ARAP3: variants seen among roughly 807,000 people sequenced by gnomAD.
ARAP3 encodes arf-GAP with Rho-GAP domain, ANK repeat and PH domain-containing protein 3.
A neutral mutation model predicts 169.2 loss-of-function variants in ARAP3; 82 were observed. The ratio of observed to expected loss-of-function variants is 0.48; its 90% CI spans 0.41 to 0.58. ARAP3 has a LOEUF of 0.58. Among genes scored for constraint, ARAP3 ranks in the 20% least tolerant of loss-of-function variants. ARAP3 has a pLI of 0.00. For synonymous variants in ARAP3, 791 were observed against 800.3 expected (o/e 0.99, Z 0.20); for missense variants, 1,764 against 2,018.0 (o/e 0.87, Z 2.41).
chr5:141,658,335 G>T (rs770333997), intron 25 of ARAP3, 30 bp downstream of exon 25: 6 of 1,606,146 alleles, frequency 3.7e-6, no homozygotes, highest in Non-Finnish European at 3.4e-6. Context: ...ATATACACAT[G>T]CATGAACACA....
intron 4 of ARAP3, 39 bp downstream of exon 4, chr5:141,679,506 C>T (rs776120179): frequency 6.3e-7 from 1 of 1,595,428 alleles, no homozygotes; most frequent in Non-Finnish European, 8.6e-7. Context: ...ACCGACTCAC[C>T]TGCTCCTCCC....
intron 4 of ARAP3, among the ~76,000 whole-genome samples, chr5:141,677,792 GT>G (rs1171836820): frequency 1.3e-5 from 2 of 150,624 alleles, no homozygotes; most frequent in African/African-American, 4.9e-5. Flanking sequence ...TTTTGTTTTT[GT>G]TTTTGTTTTG....
At chr5:141,660,749 T>A (rs1345608200) in intron 21 of ARAP3, among the ~76,000 whole-genome samples, 1 of 151,992 alleles carries the variant, frequency 6.6e-6, no homozygotes, top group Non-Finnish European at 1.5e-5. Context: ...TCCCAACATG[T>A]TGGGATTACA....
chr5:141,672,559 A>G lies in ARAP3; in HGVS notation c.1378T>C (p.Cys460Arg), dbSNP rs1438145193. ...RSFDLLTPHR[C>R]FSFTAESGGA... is the part of the protein sequence containing the mutation. Reference sequence around the variant, plus strand: ...CACTGGCCCAGGCCCCACCTGAAGCAGCGATGGGGTGTGAGCAGGTCAAAG... The same window carrying G: ...CACTGGCCCAGGCCCCACCTGAAGCGGCGATGGGGTGTGAGCAGGTCAAAG... The change falls in exon 9 of 33, where the codon TGC (cysteine) becomes CGC (arginine). Residue 460 changes from cysteine to arginine, a missense_variant. Cys to Arg is a radical substitution (Grantham distance 180). Coordinates refer to ENST00000239440, the MANE Select transcript of ARAP3 (RefSeq NM_022481.6). This position sits in a 1 kb window ranked among gnomAD's most constrained non-coding sequence, Gnocchi z 4.9. 1 of 1,613,970 alleles carries G rather than the reference A, an allele frequency of 6.2e-7. No homozygotes were observed. The highest frequency in any genetic ancestry group is 1.3e-5 in the African/African-American group (1 of 74,948).
chr5:141,677,103 C>T (rs571340337), intron 4 of ARAP3, among the ~76,000 whole-genome samples: 7 of 151,906 alleles, frequency 4.6e-5, no homozygotes, highest in Non-Finnish European at 1.0e-4. Context: ...TCAGTAGCCA[C>T]GTTTAAAAAA....
At position 141,656,794 on chromosome 5, in the gene ARAP3, G is replaced by A; in HGVS notation, c.3579C>T (p.Cys1193=). The part of the protein sequence containing the change: ...EKVLEQALQW[C]QLPEPCSASL... ...AAGCTGAGCAGGGCTCTGGGAGCTG[G>A]CACCATTGTAAAGCCTGCTCTAAGA... Residue 1193 remains cysteine (C), a synonymous_variant, in exon 26 of 33, where the codon TGC becomes TGT. Transcript: ENST00000239440. 1 of 1,612,790 alleles carries A rather than the reference G, an allele frequency of 6.2e-7. No individual in the cohort carries two copies. Among genetic ancestry groups the A allele is most frequent in the Non-Finnish European group, 8.5e-7 (1 of 1,179,466 alleles).
intron 20 of ARAP3, 33 bp downstream of exon 20, chr5:141,662,010 T>G: frequency 1.2e-6 from 2 of 1,611,366 alleles, no homozygotes; most frequent in Non-Finnish European, 8.5e-7. Context: ...GAGATCCTGG[T>G]TGGGCCTTGG....
At chr5:141,654,741 CTT>C (rs1351285657) in intron 32 of ARAP3, among the ~76,000 whole-genome samples, 26 of 141,122 alleles carry the variant, frequency 1.8e-4, no homozygotes, top group Middle Eastern at 3.7e-3. Flanking sequence ...CAACTTTTTC[CTT>C]TTTTTTTTTT....
At chr5:141,665,682 G>C (rs1350267243) in intron 17 of ARAP3, among the ~76,000 whole-genome samples, 5 of 152,040 alleles carry the variant, frequency 3.3e-5, no homozygotes, top group Non-Finnish European at 5.9e-5. Context: ...GGAAAGCAGT[G>C]AGGGCACCCA....
chr5:141,671,119 G>T lies in ARAP3; in HGVS notation c.1990+146C>A. ...CATCAGCTATCACATGACATCAGGA[G>T]ATAGGCCCTGGAGGATCTGAGGGTT... On this transcript the variant is annotated intron_variant, in intron 13 of 32. Transcript: ENST00000239440. The surrounding 1 kb of genome is among the most constrained non-coding windows in gnomAD (Gnocchi z 4.9). The T allele has an allele frequency of 9.0e-7, 1 of 1,108,538 alleles. No homozygotes were observed. The highest frequency in any genetic ancestry group is 1.6e-5 in the African/African-American group (1 of 64,008). The allele number at this position is 1,108,538 out of a possible 1,614,324, so 68.7% of individuals were successfully genotyped here.
At position 141,671,773 on chromosome 5, in the gene ARAP3, A is replaced by G. The variant is rs752985133; in HGVS notation, c.1672-21T>C. ...AATAACTGTGGGATGACAAGGGACA[A>G]AGGCAGGTGACAGGAACTCAAGAGT... is the stretch of plus-strand genomic sequence containing the variant. On this transcript the variant is annotated intron_variant, in intron 11 of 32. Transcript: ENST00000239440. The surrounding 1 kb of genome is among the most constrained non-coding windows in gnomAD (Gnocchi z 4.9). 4.4e-6 allele frequency: 7 copies of G among 1,597,128 alleles called. No individual in the cohort carries two copies. Among genetic ancestry groups the G allele is most frequent in the Non-Finnish European group, 5.1e-6 (6 of 1,170,290 alleles).
rs944994429 is a variant in ARAP3 at position 141,672,395 on chromosome 5, G to A, written c.1386-94C>T. On this transcript the variant is annotated intron_variant, in intron 9 of 32. Transcript: ENST00000239440. This position sits in a 1 kb window ranked among gnomAD's most constrained non-coding sequence, Gnocchi z 4.9. ...GCAGGAGCCACCACAGGCCACACCTGGGGCAGCCCAGACCCTTCTGACATC... is the reference window on the plus strand; with the variant it reads ...GCAGGAGCCACCACAGGCCACACCTAGGGCAGCCCAGACCCTTCTGACATC... 3.2e-6 allele frequency: 5 copies of A among 1,545,956 alleles called. No individual in the cohort carries two copies. The African/African-American group carries it at 6.8e-5, about 21-fold the overall frequency.
chr5:141,665,139 G>C, intron 18 of ARAP3, 54 bp from the exon 19 acceptor site: 2 of 1,575,904 alleles, frequency 1.3e-6, no homozygotes, highest in East Asian at 4.5e-5. Flanking sequence ...CAGATGCATG[G>C]GGACCAGACT....
Position 141,673,684 on chromosome 5 carries a change from G to C in ARAP3, c.823C>G (p.Pro275Ala). Residue 275 changes from proline to alanine, a missense_variant, in exon 5 of 33, where the codon CCC becomes GCC. By Grantham distance (27) the Pro-to-Ala change is conservative. This residue lies in a region of ARAP3 where 630 missense variants were observed against 678.7 expected (regional missense o/e 0.93). Transcript: ENST00000239440. ...GCCGTGAAGGAGAAGCTGGCATAGG[G>C]TGAAATGAGGTCATCACTGGTCTCC... ...TEETSDDLISPYASFSFTADR... is the reference protein window; with the variant it reads ...TEETSDDLISAYASFSFTADR... 6.2e-7 allele frequency: 1 copy of C among 1,614,232 alleles called. No homozygotes were observed. The highest frequency in any genetic ancestry group is 8.5e-7 in the Non-Finnish European group (1 of 1,180,046).
In ARAP3 at chr5:141,655,260, C is replaced by CACACACACACACACACACACACA. The variant is rs1562401159; in HGVS notation, c.4149+101_4149+102insTGTGTGTGTGTGTGTGTGTGTGT. On this transcript the variant is annotated intron_variant, in intron 32 of 32. Coordinates refer to ENST00000239440, the MANE Select transcript of ARAP3 (RefSeq NM_022481.6). ...CACACACACACACACACACACACACCCCCTGATGGCCTACATGAGGAAAAC... is the reference window on the plus strand; with the variant it reads ...CACACACACACACACACACACACACCACACACACACACACACACACACACCCTGATGGCCTACATGAGGAAAAC... 9.6e-6 allele frequency: 8 copies of CACACACACACACACACACACACA among 834,540 alleles called. No homozygotes were observed. The African/African-American group carries it at 2.3e-4, about 24-fold the overall frequency. 51.7% of individuals were successfully genotyped at this position (834,540 alleles called of 1,614,324 possible).
chr5:141,681,947 G>C (rs1335365641), intron 1 of ARAP3, among the ~76,000 whole-genome samples: 1 of 151,914 alleles, frequency 6.6e-6, no homozygotes, highest in African/African-American at 2.4e-5. Flanking sequence ...TCGCGGGACA[G>C]GAGTGGCGGG....
chr5:141,680,174 G>C lies in ARAP3; in HGVS notation c.313C>G (p.Leu105Val). ...VPKPRTVFGG[L>V]SGPATTQRPG... is the part of the protein sequence containing the mutation. ...CTCTGAGTGGTGGCAGGGCCACTGA[G>C]TCCACCAAACACGGTCCTGGGCTTC... Residue 105 changes from leucine to valine, a missense_variant, in exon 2 of 33, where the codon CTC (leucine) becomes GTC (valine). Leu to Val is a conservative substitution (Grantham distance 32). Transcript: ENST00000239440. The C allele has an allele frequency of 6.2e-7, 1 of 1,607,890 alleles. No individual in the cohort carries two copies.
intron 19 of ARAP3, among the ~76,000 whole-genome samples, 194 bp from the exon 20 acceptor site, chr5:141,662,449 CCTCA>C (rs757276412): frequency 2.0e-5 from 3 of 152,212 alleles, no homozygotes; most frequent in Non-Finnish European, 4.4e-5. Flanking sequence ...CCTTCCCTGA[CCTCA>C]CTGTCACAAG....
Position 141,671,537 on chromosome 5 carries a change from C to G in ARAP3, c.1854+33G>C, listed in dbSNP as rs370474543. On this transcript the variant is annotated intron_variant, in intron 12 of 32. Transcript: ENST00000239440. This position sits in a 1 kb window ranked among gnomAD's most constrained non-coding sequence, Gnocchi z 4.9. ...TCCAGAGAGTGTTTCCTGACCCCCC[C>G]ACCCCAGATCACCCCTGCTCTGTCC... is the stretch of plus-strand genomic sequence containing the variant. The G allele has an allele frequency of 1.9e-6, 3 of 1,612,152 alleles. No individual in the cohort carries two copies. The highest frequency in any genetic ancestry group is 2.5e-6 in the Non-Finnish European group (3 of 1,179,348).
Sources: allele counts gnomAD v4.1 joint callset (sites outside exome capture counted in the v4.1 genomes callset), GRCh38; gene constraint gnomAD v4.1.1; regional missense constraint gnomAD v4.1.1; non-coding constraint Gnocchi (gnomAD v3.1); transcripts MANE v1.5; gene names NCBI Gene and HGNC (gene_info 2026-07-23, HGNC 2026-07-21).